OTUD7A: variants seen among roughly 807,000 people sequenced by gnomAD.
OTUD7A encodes the protein OTU deubiquitinase 7A.
In OTUD7A, 12 loss-of-function variants were observed where a neutral mutation model predicts 65.7. That is an observed-to-expected ratio of 0.18 (90% CI 0.12 to 0.30). The LOEUF (loss-of-function observed/expected upper bound fraction) is 0.30, where lower values mean the gene tolerates loss of function less well. Among genes scored for constraint, OTUD7A ranks in the 10% least tolerant of loss-of-function variants. OTUD7A has a pLI of 1.00. For synonymous variants in OTUD7A, 641 were observed against 586.3 expected, an observed-to-expected ratio of 1.09 and a Z score of -1.35; for missense variants, 1,148 against 1,304.8, an observed-to-expected ratio of 0.88 and a Z score of 1.85.
chr15:31,540,621 T>G (rs1260732277), intron 5 of OTUD7A, among the ~76,000 whole-genome samples: 1 of 152,184 alleles, frequency 6.6e-6, no homozygotes, highest in African/African-American at 2.4e-5. Context: ...TTATATTATT[T>G]AATATTGGGA....
chr15:31,483,428 G>A lies in OTUD7A; in HGVS notation c.2668C>T (p.Pro890Ser). 1.5e-6 allele frequency: 2 copies of A among 1,371,844 alleles called. No individual in the cohort carries two copies. Among genetic ancestry groups the A allele is most frequent in the Non-Finnish European group, 9.4e-7 (1 of 1,062,640 alleles). The allele number at this position is 1,371,844 out of a possible 1,614,324, so 85.0% of individuals were successfully genotyped here. Reference sequence around the variant, plus strand: ...TGGCAGCGCCGCTGCACCGGCCCCGGGCCGCCACGGCCGCACTCACCGTTC... The same window carrying A: ...TGGCAGCGCCGCTGCACCGGCCCCGAGCCGCCACGGCCGCACTCACCGTTC... ...RSNGECGRGG[P>S]GPVQRRCQRE... The change falls in exon 13 of 13, where the codon CCG becomes TCG. Residue 890 changes from proline to serine, a missense_variant. Pro to Ser is a moderately conservative substitution (Grantham distance 74). This residue lies in a region of OTUD7A where 842 missense variants were observed against 769.5 expected (regional missense o/e 1.09). Transcript: ENST00000307050.
intron 1 of OTUD7A, among the ~76,000 whole-genome samples, chr15:31,757,288 A>G (rs1467390890): frequency 1.3e-5 from 2 of 151,768 alleles, no homozygotes; most frequent in Non-Finnish European, 2.9e-5. Context: ...CTTTTATACA[A>G]TGTGGATGGA....
At chr15:31,846,563 G>A (rs955084985) in intron 1 of OTUD7A, among the ~76,000 whole-genome samples, 5 of 152,114 alleles carry the variant, frequency 3.3e-5, no homozygotes, top group Non-Finnish European at 5.9e-5. Context: ...AGGCTGCACT[G>A]GCAAGATTCA....
intron 3 of OTUD7A, among the ~76,000 whole-genome samples, chr15:31,573,131 AAAAG>A (rs1451779020): frequency 6.6e-6 from 1 of 152,198 alleles, no homozygotes; most frequent in East Asian, 1.9e-4. Context: ...ATGTAAGCAA[AAAAG>A]AAAGAAAATC....
In OTUD7A at chr15:31,740,428, T is replaced by C. The variant is rs544885516; in HGVS notation, c.-99-83351A>G. ...CTCTGGCTGCTGCTCAGTGAGCAGATGGTGGGGGGAGGGTGGGAGGTGGGA... is the reference window on the plus strand; with the variant it reads ...CTCTGGCTGCTGCTCAGTGAGCAGACGGTGGGGGGAGGGTGGGAGGTGGGA... On this transcript the variant is annotated intron_variant, in intron 1 of 12. Coordinates refer to ENST00000307050, the MANE Select transcript of OTUD7A (RefSeq NM_001382637.1). Among the ~76,000 whole-genome samples, 19 of 128,590 alleles carry C rather than the reference T, an allele frequency of 1.5e-4. 1 individual carries two copies. In the South Asian group the frequency reaches 4.6e-3, roughly 31 times the overall value. The allele number at this position is 128,590 out of a possible 152,430, so 84.4% of individuals were successfully genotyped here. A position where few individuals can be genotyped will look rare whatever the true frequency, so the allele number is the denominator to read the frequency against.
chr15:31,762,767 A>C (rs887606818), intron 1 of OTUD7A, among the ~76,000 whole-genome samples: 1 of 152,230 alleles, frequency 6.6e-6, no homozygotes, highest in African/African-American at 2.4e-5. Context: ...AACAAACAAA[A>C]TCAATATTCT....
In OTUD7A at chr15:31,482,219, T is replaced by C. The variant is rs2041133174; in HGVS notation, c.*1075A>G. 1 of 152,174 alleles carries C rather than the reference T, an allele frequency of 6.6e-6. No homozygotes were observed. Among genetic ancestry groups the C allele is most frequent in the Admixed American group, 6.5e-5 (1 of 15,288 alleles). The allele number at this position is 152,174 out of a possible 1,614,324, so 9.4% of individuals were successfully genotyped here. ...ACGGAGGCAGGGTCGTCCTGCCCCG[T>C]GGAGGGGCCACGATCACAGTGAGTC... On this transcript the variant is annotated 3_prime_UTR_variant, in exon 13 of 13. Transcript: ENST00000307050.
At chr15:31,643,422 G>C (rs2141264497) in intron 3 of OTUD7A, among the ~76,000 whole-genome samples, 1 of 152,192 alleles carries the variant, frequency 6.6e-6, no homozygotes, top group African/African-American at 2.4e-5. Context: ...ATTCCACTGA[G>C]TTACTTTTTC....
At chr15:31,695,257 A>T (rs1263947156) in intron 1 of OTUD7A, among the ~76,000 whole-genome samples, 1 of 140,460 alleles carries the variant, frequency 7.1e-6, no homozygotes, top group Non-Finnish European at 1.6e-5. Context: ...TAACTCTTTG[A>T]TGTACTGATT....
intron 3 of OTUD7A, among the ~76,000 whole-genome samples, chr15:31,583,227 T>TCTAGTG (rs1485565617): frequency 6.6e-6 from 1 of 152,184 alleles, no homozygotes; most frequent in East Asian, 1.9e-4. Flanking sequence ...TCTGGTGCAG[T>TCTAGTG]CTAGTGATAG....
At chr15:31,819,816 GTA>G (rs1300968642) in intron 1 of OTUD7A, among the ~76,000 whole-genome samples, 5 of 151,636 alleles carry the variant, frequency 3.3e-5, no homozygotes, top group African/African-American at 9.7e-5. Flanking sequence ...TAATGTATCA[GTA>G]TATATGTTAT....
chr15:31,598,387 G>A (rs759041218), intron 3 of OTUD7A, among the ~76,000 whole-genome samples: 2 of 152,148 alleles, frequency 1.3e-5, no homozygotes, highest in Non-Finnish European at 1.5e-5. Flanking sequence ...CCTCACCCAG[G>A]AAGTACAAGG....
intron 1 of OTUD7A, among the ~76,000 whole-genome samples, chr15:31,731,998 T>C (rs372070937): frequency 9.8e-5 from 15 of 152,286 alleles, no homozygotes; most frequent in African/African-American, 3.4e-4. Context: ...CGGGGAACAA[T>C]GCCAACCAGG....
In OTUD7A at chr15:31,480,051, A is replaced by G. The variant is rs970261374; in HGVS notation, c.*3243T>C. ...TTGAACAAGCAGCAAAAAGCGTTTA[A>G]CCCCCCGGAGCCCACAGTGGAGCTC... On this transcript the variant is annotated 3_prime_UTR_variant, in exon 13 of 13. Transcript: ENST00000307050. The G allele has an allele frequency of 6.6e-6, 1 of 152,024 alleles. No individual in the cohort carries two copies. Among genetic ancestry groups the G allele is most frequent in the Non-Finnish European group, 1.5e-5 (1 of 68,008 alleles). The allele number at this position is 152,024 out of a possible 1,614,324, so 9.4% of individuals were successfully genotyped here. A position where few individuals can be genotyped will look rare whatever the true frequency, so the allele number is the denominator to read the frequency against.
intron 3 of OTUD7A, among the ~76,000 whole-genome samples, chr15:31,574,128 G>A (rs1889134289): frequency 1.3e-5 from 2 of 151,992 alleles, no homozygotes; most frequent in Admixed American, 1.3e-4. Flanking sequence ...AGGGATATAG[G>A]ATATTACATA....
intron 10 of OTUD7A, among the ~76,000 whole-genome samples, chr15:31,500,899 G>A (rs775557329): frequency 1.1e-4 from 16 of 152,244 alleles, no homozygotes; most frequent in Non-Finnish European, 2.2e-4. Context: ...ACAACAGGAA[G>A]GGGTTTCCTC....
chr15:31,858,162 G>A (rs771375501), intron 1 of OTUD7A, among the ~76,000 whole-genome samples: 4 of 152,142 alleles, frequency 2.6e-5, no homozygotes, highest in Non-Finnish European at 5.9e-5. Flanking sequence ...CAAAAGGCCC[G>A]AGCAGCCCGC....
intron 1 of OTUD7A, among the ~76,000 whole-genome samples, chr15:31,853,749 T>C (rs913614465): frequency 1.3e-5 from 2 of 152,204 alleles, no homozygotes; most frequent in African/African-American, 4.8e-5. Flanking sequence ...CAAAGGGAAT[T>C]CATGTGGAAT....
At chr15:31,774,660 C>A (rs1266976750) in intron 1 of OTUD7A, among the ~76,000 whole-genome samples, 2 of 152,218 alleles carry the variant, frequency 1.3e-5, no homozygotes, top group Non-Finnish European at 2.9e-5. Context: ...ACAGCAACAT[C>A]AGTTTCTGTG....
Sources: allele counts gnomAD v4.1 joint callset (sites outside exome capture counted in the v4.1 genomes callset), GRCh38; gene constraint gnomAD v4.1.1; regional missense constraint gnomAD v4.1.1; transcripts MANE v1.5; gene names NCBI Gene and HGNC (gene_info 2026-07-23, HGNC 2026-07-21).